Variants in THRB observed in about 807,000 individuals in gnomAD.
THRB encodes nuclear receptor subfamily 1 group A member 2.
Under a neutral mutation model 47.8 loss-of-function variants are expected in THRB, and 12 were observed. The observed-to-expected ratio is 0.25, with a 90% CI of 0.16 to 0.41. The LOEUF is 0.41. THRB is among the 10% of genes least tolerant of loss of function. THRB has a pLI of 1.00. For missense variants in THRB, 348 were observed against 589.2 expected, an observed-to-expected ratio of 0.59 and a Z score of 4.24; for synonymous variants, 218 against 212.2, an observed-to-expected ratio of 1.03 and a Z score of -0.24.
At chr3:24,395,790 GC>G (rs893855288) in intron 1 of THRB, among the ~76,000 whole-genome samples, 2 of 151,998 alleles carry the variant, frequency 1.3e-5, no homozygotes, top group Non-Finnish European at 2.9e-5. Context: ...GAAAATGTAT[GC>G]CCACAAAAAA....
chr3:24,295,197 C>G (rs1391677255), intron 3 of THRB, among the ~76,000 whole-genome samples: 3 of 152,070 alleles, frequency 2.0e-5, no homozygotes, highest in Non-Finnish European at 2.9e-5. Flanking sequence ...GAAACTAGCT[C>G]AAGATAGAAA....
intron 3 of THRB, among the ~76,000 whole-genome samples, chr3:24,258,754 A>G (rs2051599300): frequency 6.6e-6 from 1 of 152,174 alleles, no homozygotes; most frequent in African/African-American, 2.4e-5. Context: ...GGCAGCAGGT[A>G]TGATTATTAT....
chr3:24,313,784 G>A (rs59046297), intron 2 of THRB, among the ~76,000 whole-genome samples: 17,727 of 150,464 alleles, frequency 0.12, 1,078 homozygotes, highest in South Asian at 0.19. Flanking sequence ...TTGGTTCAAA[G>A]GCTTTTTTTA....
intron 5 of THRB, among the ~76,000 whole-genome samples, chr3:24,173,668 C>T (rs1285498015): frequency 6.6e-6 from 1 of 152,204 alleles, no homozygotes; most frequent in East Asian, 1.9e-4. Flanking sequence ...TCTCCTCTAT[C>T]CCTGGACAGT....
chr3:24,479,168 G>A (rs529867327), intron 1 of THRB, among the ~76,000 whole-genome samples: 3 of 152,314 alleles, frequency 2.0e-5, no homozygotes, highest in Non-Finnish European at 2.9e-5. Flanking sequence ...CTGGCGTGGT[G>A]GTGGGCGCCT....
intron 1 of THRB, chr3:24,494,449 C>A (rs1316072081): frequency 6.6e-6 from 1 of 151,108 alleles, no homozygotes; most frequent in Non-Finnish European, 1.5e-5. Flanking sequence ...CACGAGAGGG[C>A]ACCTCCTCCC....
At chr3:24,237,157 A>G (rs2048959478) in intron 3 of THRB, among the ~76,000 whole-genome samples, 1 of 152,192 alleles carries the variant, frequency 6.6e-6, no homozygotes, top group Admixed American at 6.5e-5. Flanking sequence ...TATCCCAGGT[A>G]TTAATCTGAG....
intron 2 of THRB, among the ~76,000 whole-genome samples, chr3:24,310,226 T>C (rs1463681465): frequency 4.6e-5 from 7 of 152,244 alleles, no homozygotes; most frequent in African/African-American, 1.7e-4. Context: ...TTCAGAATAA[T>C]GAACTTTTCA....
chr3:24,465,580 G>A (rs1042948815), intron 1 of THRB, among the ~76,000 whole-genome samples: 2 of 151,954 alleles, frequency 1.3e-5, no homozygotes, highest in Non-Finnish European at 2.9e-5. Flanking sequence ...ATTTTTGTAT[G>A]TTTAGTAGAG....
At chr3:24,153,546 G>A (rs62255837) in intron 5 of THRB, among the ~76,000 whole-genome samples, 8,210 of 152,258 alleles carry the variant, frequency 0.054, 270 homozygotes, top group Middle Eastern at 0.082. Context: ...TGGACAATGA[G>A]TTTATTAGTT....
At chr3:24,428,672 G>T (rs1215821319) in intron 1 of THRB, among the ~76,000 whole-genome samples, 1 of 151,892 alleles carries the variant, frequency 6.6e-6, no homozygotes, top group Non-Finnish European at 1.5e-5. Flanking sequence ...TGCGTTTTTG[G>T]TTATGTTCGA....
chr3:24,260,979 C>T (rs2051905113), intron 3 of THRB, among the ~76,000 whole-genome samples: 1 of 152,192 alleles, frequency 6.6e-6, no homozygotes, highest in African/African-American at 2.4e-5. Flanking sequence ...TGGGAAGGGC[C>T]TGAAAATTAG....
At chr3:24,315,987 G>T (rs2058088724) in intron 2 of THRB, among the ~76,000 whole-genome samples, 1 of 151,978 alleles carries the variant, frequency 6.6e-6, no homozygotes, top group African/African-American at 2.4e-5. Context: ...TTTTTTGTTA[G>T]AAAAGCATTA....
intron 3 of THRB, among the ~76,000 whole-genome samples, chr3:24,264,069 C>A (rs1245190208): frequency 6.6e-6 from 1 of 152,134 alleles, no homozygotes; most frequent in African/African-American, 2.4e-5. Flanking sequence ...GGCACCAAAC[C>A]CTGCAATGCT....
chr3:24,196,563 C>T (rs2043976371), intron 4 of THRB, among the ~76,000 whole-genome samples: 1 of 152,132 alleles, frequency 6.6e-6, no homozygotes, highest in South Asian at 2.1e-4. Context: ...CTCTTCTCCT[C>T]TAAACATGAT....
chr3:24,277,355 T>C (rs2054030865), intron 3 of THRB, among the ~76,000 whole-genome samples: 3 of 152,158 alleles, frequency 2.0e-5, no homozygotes, highest in Admixed American at 1.3e-4. Flanking sequence ...TGGTTCAAAA[T>C]GTCAGTAATG....
chr3:24,427,602 C>A (rs2069898217), intron 1 of THRB, among the ~76,000 whole-genome samples: 1 of 151,916 alleles, frequency 6.6e-6, no homozygotes, highest in Admixed American at 6.6e-5. Context: ...TGACTATTTC[C>A]AAAACTACTT....
At position 24,229,423 on chromosome 3, in the gene THRB, C is replaced by A. The variant is rs114967641; in HGVS notation, c.-42-422G>T. On this transcript the variant is annotated intron_variant, in intron 3 of 10. Transcript: ENST00000646209. ...TGTGAGAAATAGAAAATTTGGGCAT[C>A]CCCTCAGTCAGAATCTGCATTTGGA... 8.1e-3 allele frequency among the ~76,000 whole-genome samples: 1,239 copies of A among 152,260 alleles called. 13 individuals are homozygous for A. Among genetic ancestry groups the A allele is most frequent in the African/African-American group, 0.028 (1,145 of 41,564 alleles).
intron 1 of THRB, among the ~76,000 whole-genome samples, chr3:24,450,578 G>T (rs953099579): frequency 2.6e-5 from 4 of 152,092 alleles, no homozygotes; most frequent in Non-Finnish European, 5.9e-5. Flanking sequence ...GACAACCTTT[G>T]TACTTACTGT....
Sources: allele counts gnomAD v4.1 joint callset (sites outside exome capture counted in the v4.1 genomes callset), GRCh38; gene constraint gnomAD v4.1.1; transcripts MANE v1.5; gene names NCBI Gene and HGNC (gene_info 2026-07-23, HGNC 2026-07-21).